PHF24: variants seen among roughly 807,000 people sequenced by gnomAD.
PHF24 encodes the protein PHD finger protein 24.
PHF24 carries 25 observed loss-of-function variants against 42.6 expected under a neutral mutation model. That is an observed-to-expected ratio of 0.59 (90% CI 0.43 to 0.82). The LOEUF (loss-of-function observed/expected upper bound fraction) is 0.82, where lower values mean the gene tolerates loss of function less well. Among genes scored for constraint, PHF24 ranks in the 40% least tolerant of loss-of-function variants. The pLI, the probability that PHF24 is intolerant of heterozygous loss-of-function variation, is 0.00. For missense variants in PHF24, 470 were observed against 538.1 expected, an observed-to-expected ratio of 0.87 and a Z score of 1.25; for synonymous variants, 185 against 204.8, an observed-to-expected ratio of 0.90 and a Z score of 0.83.
At chr9:34,798,748 G>A in the PHF24 span, among the ~76,000 whole-genome samples, 1 of 152,238 alleles carries the variant, frequency 6.6e-6, no homozygotes, top group East Asian at 1.9e-4. Flanking sequence ...GGATTGCTGG[G>A]CCAAATGGTA....
chr9:34,851,586 C>T, the PHF24 span, among the ~76,000 whole-genome samples: 47 of 152,330 alleles, frequency 3.1e-4, no homozygotes, highest in African/African-American at 1.1e-3. Flanking sequence ...TGCTTCGGCT[C>T]GCACACAGTG....
the PHF24 span, among the ~76,000 whole-genome samples, chr9:34,927,953 G>C: frequency 6.6e-6 from 1 of 152,126 alleles, no homozygotes; most frequent in Non-Finnish European, 1.5e-5. Flanking sequence ...TTGGGAGCTG[G>C]GGGGAGGTGG....
At chr9:34,808,659 A>C in the PHF24 span, among the ~76,000 whole-genome samples, 4 of 152,038 alleles carry the variant, frequency 2.6e-5, no homozygotes, top group Admixed American at 2.6e-4. Context: ...TGGTGCCTTG[A>C]GCACTGCATC....
At chr9:34,724,496 T>C in the PHF24 span, 2 of 1,551,760 alleles carry the variant, frequency 1.3e-6, no homozygotes, top group Non-Finnish European at 1.7e-6. Context: ...AACAGTTTGT[T>C]CCCTGGACTT....
the PHF24 span, among the ~76,000 whole-genome samples, chr9:34,859,789 G>C: frequency 6.6e-6 from 1 of 152,022 alleles, no homozygotes; most frequent in Non-Finnish European, 1.5e-5. Flanking sequence ...ACTTTACCCA[G>C]TGTCCCATTT....
At position 34,958,658 on chromosome 9, in the gene PHF24, G is replaced by C. The variant is rs570947957; in HGVS notation, c.-5+257G>C. On this transcript the variant is annotated intron_variant, in intron 1 of 7. Transcript: ENST00000242315. The surrounding 1 kb of genome is among the most constrained non-coding windows in gnomAD (Gnocchi z 4.5). ...GGCGCTGTCTGCATTTGCTGCCATA[G>C]GGAGCCCCAGCGTGGAGGGGACTGG... Among the ~76,000 whole-genome samples the C allele has an allele frequency of 1.3e-5, 2 of 152,284 alleles. No homozygotes were observed. The highest frequency in any genetic ancestry group is 4.8e-5 in the African/African-American group (2 of 41,574).
chr9:34,838,493 T>C, the PHF24 span: 2 of 1,344,396 alleles, frequency 1.5e-6, no homozygotes, highest in Non-Finnish European at 2.1e-6. Flanking sequence ...GGGCTCAACA[T>C]GGTCTAAACC....
the PHF24 span, among the ~76,000 whole-genome samples, chr9:34,717,101 G>A: frequency 1.3e-5 from 2 of 152,178 alleles, no homozygotes; most frequent in Non-Finnish European, 2.9e-5. Context: ...GGGCAGATCA[G>A]TTTTCTATCT....
chr9:34,721,433 C>CTCTCTCTCTCTCT, the PHF24 span, among the ~76,000 whole-genome samples: 1 of 141,966 alleles, frequency 7.0e-6, no homozygotes, highest in African/African-American at 2.5e-5. Flanking sequence ...CTCTCTCTCT[C>CTCTCTCTCTCTCT]GATGGAGTTT....
chr9:34,760,661 C>T, the PHF24 span, among the ~76,000 whole-genome samples: 1 of 152,192 alleles, frequency 6.6e-6, no homozygotes, highest in Non-Finnish European at 1.5e-5. Context: ...AGCACGCCCC[C>T]ACCCAATACT....
chr9:34,672,070 T>C, the PHF24 span, among the ~76,000 whole-genome samples: 1 of 152,388 alleles, frequency 6.6e-6, no homozygotes, highest in Admixed American at 6.5e-5. Flanking sequence ...TGCTTTAAAT[T>C]CATTGTCTCA....
At chr9:34,923,718 G>A in the PHF24 span, among the ~76,000 whole-genome samples, 1 of 151,552 alleles carries the variant, frequency 6.6e-6, no homozygotes, top group Non-Finnish European at 1.5e-5. Flanking sequence ...CTTTTTTCCT[G>A]GTTAGTCTAA....
chr9:34,770,182 T>C, the PHF24 span, among the ~76,000 whole-genome samples: 1 of 152,170 alleles, frequency 6.6e-6, no homozygotes, highest in Non-Finnish European at 1.5e-5. Flanking sequence ...CTGATTTGCC[T>C]TATATGTAAA....
At chr9:34,942,979 C>T in the PHF24 span, among the ~76,000 whole-genome samples, 1 of 151,784 alleles carries the variant, frequency 6.6e-6, no homozygotes, top group East Asian at 1.9e-4. Flanking sequence ...TGCACTTGTA[C>T]CCTAGAACTT....
At chr9:34,921,157 T>C in the PHF24 span, among the ~76,000 whole-genome samples, 1 of 151,848 alleles carries the variant, frequency 6.6e-6, no homozygotes, top group Non-Finnish European at 1.5e-5. Context: ...TGTTGAGGTA[T>C]GTCTCATCTA....
chr9:34,936,493 C>T, the PHF24 span, among the ~76,000 whole-genome samples: 5 of 151,914 alleles, frequency 3.3e-5, no homozygotes, highest in African/African-American at 9.7e-5. Flanking sequence ...GCCGCCACCC[C>T]GTCTGGGAAG....
chr9:34,825,221 C>T, the PHF24 span, among the ~76,000 whole-genome samples: 1 of 151,808 alleles, frequency 6.6e-6, no homozygotes, highest in Admixed American at 6.6e-5. Flanking sequence ...AGGATGGAGC[C>T]AGCAGTAAAT....
chr9:34,830,415 A>G, the PHF24 span, among the ~76,000 whole-genome samples: 1 of 152,216 alleles, frequency 6.6e-6, no homozygotes, highest in Admixed American at 6.5e-5. Context: ...GAGTGGAGCA[A>G]GCACAACCTT....
At chr9:34,744,993 T>G in the PHF24 span, among the ~76,000 whole-genome samples, 4 of 152,138 alleles carry the variant, frequency 2.6e-5, no homozygotes, top group African/African-American at 7.2e-5. Context: ...TAGCACAGAA[T>G]CAGAAGAGAC....
Sources: gnomAD v4.1 joint callset for allele counts (sites outside exome capture counted in the v4.1 genomes callset) on GRCh38, gnomAD v4.1.1 for gene constraint, Gnocchi (gnomAD v3.1) non-coding constraint, MANE v1.5 for transcripts, NCBI Gene and HGNC (gene_info 2026-07-23, HGNC 2026-07-21) for gene names.